The following WNK4 variants were observed in gnomAD, a reference collection of about 807,000 sequenced individuals.
The protein encoded by WNK4 is serine/threonine-protein kinase WNK4.
In WNK4, 94 loss-of-function variants were observed where a neutral mutation model predicts 116.2. The ratio of observed to expected loss-of-function variants is 0.81; its 90% CI spans 0.68 to 0.96. The LOEUF (loss-of-function observed/expected upper bound fraction) is 0.96. WNK4 is among the 40% of genes least tolerant of loss of function. The pLI is 0.00. For synonymous variants in WNK4, 655 were observed against 672.7 expected, an observed-to-expected ratio of 0.97 and a Z score of 0.41; for missense variants, 1,542 against 1,650.6, an observed-to-expected ratio of 0.93 and a Z score of 1.14.
chr17:42,793,945 C>T (rs929089885), intron 12 of WNK4: 11 of 551,294 alleles, frequency 2.0e-5, no homozygotes, highest in East Asian at 1.2e-4. Context: ...CTCCGCCTCC[C>T]GGGTTCACGC....
Position 42,795,805 on chromosome 17 carries a change from A to G in WNK4, c.3203A>G (p.Glu1068Gly), listed in dbSNP as rs778845513. Residue 1068 changes from glutamate (E) to glycine (G), a missense_variant, in exon 16 of 19, where the codon GAA becomes GGA. This residue lies in a region of WNK4 where 292 missense variants were observed against 290.1 expected (regional missense o/e 1.01). Transcript: ENST00000246914. ...DSAGGGPETREALAESDRAAE... is the reference protein window; with the variant it reads ...DSAGGGPETRGALAESDRAAE... ...GCTGGAGGCGGGCCAGAGACCAGGG[A>G]AGCTCTGGCTGAGAGCGACCGTGCA... The G allele has an allele frequency of 4.3e-6, 7 of 1,613,836 alleles. No individual in the cohort carries two copies. The South Asian group carries it at 7.7e-5, about 18-fold the overall frequency.
At chr17:42,788,594 C>A (rs2054577682) in intron 10 of WNK4, 87 bp from the exon 11 acceptor site, 3 of 1,243,362 alleles carry the variant, frequency 2.4e-6, no homozygotes, top group Non-Finnish European at 3.6e-6. Context: ...TCCATTGTGG[C>A]TGCTGTCACT....
intron 6 of WNK4, among the ~76,000 whole-genome samples, chr17:42,785,882 C>T (rs2054544511): frequency 1.3e-5 from 2 of 152,154 alleles, no homozygotes; most frequent in Admixed American, 1.3e-4. Context: ...TCCACTTCAG[C>T]ATGTTCTCGG....
chr17:42,796,074 G>A (rs1363318898), intron 16 of WNK4, 41 bp downstream of exon 16: 1 of 1,614,022 alleles, frequency 6.2e-7, no homozygotes, highest in South Asian at 1.1e-5. Flanking sequence ...GAGAACCTGG[G>A]AGAGCAAGGT....
Position 42,783,966 on chromosome 17 carries a change from C to T in WNK4, c.821C>T (p.Pro274Leu), listed in dbSNP as rs2054513168. The T allele has an allele frequency of 3.7e-6, 6 of 1,613,910 alleles. No individual in the cohort carries two copies. The highest frequency in any genetic ancestry group is 1.1e-5 in the South Asian group (1 of 91,086). The change falls in exon 3 of 19, where the codon CCG (proline) becomes CTG (leucine). Residue 274 changes from proline (P) to leucine (L), a missense_variant. Pro to Leu is a moderately conservative substitution (Grantham distance 98). This residue lies in a region of WNK4 where 808 missense variants were observed against 873.6 expected (regional missense o/e 0.92). Coordinates refer to ENST00000246914, the MANE Select transcript of WNK4 (RefSeq NM_032387.5). ...TYLRRFREMK[P>L]RVLQRWSRQI... ...CTGAGGCGGTTCCGGGAGATGAAGC[C>T]GCGGGTCCTTCAGCGCTGGAGCCGC...
chr17:42,788,171 CT>C lies in WNK4; in HGVS notation c.1909del (p.Ser637ProfsTer24). On this transcript the variant is annotated frameshift_variant, in exon 9 of 19. Transcript: ENST00000246914. LOFTEE classifies it high-confidence loss of function. ...TTCCACGTTCTGGCCCTGGAAGTGA[CT>C]TTTCCCCCGGGGACAGGTATGTTCT... ...SIPRSGPGSD[F>X]SPGDSYASDA... 1 of 1,614,180 alleles carries C rather than the reference CT, an allele frequency of 6.2e-7. No homozygotes were observed. The highest frequency in any genetic ancestry group is 1.3e-5 in the African/African-American group (1 of 75,046).
Position 42,785,420 on chromosome 17 carries a change from C to G in WNK4, c.1414C>G (p.Gln472Glu), listed in dbSNP as rs761294614. ...ARRGGRPRDNQAIEFLFQLGR... is the reference protein window; with the variant it reads ...ARRGGRPRDNEAIEFLFQLGR... ...GCGCGGGGGGCGCCCACGGGACAAC[C>G]AGGCCATCGAGTTCCTGTTCCAGCT... Residue 472 changes from glutamine to glutamate, a missense_variant, in exon 6 of 19, where the codon CAG (glutamine) becomes GAG (glutamate). Around this residue, in one of 7 missense-constraint regions of WNK4, gnomAD observed 808 missense variants for 873.6 expected, o/e 0.92. Coordinates refer to ENST00000246914, the MANE Select transcript of WNK4 (RefSeq NM_032387.5). The G allele has an allele frequency of 1.8e-4, 282 of 1,564,598 alleles. No individual in the cohort carries two copies. The highest frequency in any genetic ancestry group is 2.3e-4 in the Non-Finnish European group (266 of 1,154,292).
chr17:42,793,588 C>G lies in WNK4; in HGVS notation c.2158-4C>G. On this transcript the variant is annotated splice_region_variant and splice_polypyrimidine_tract_variant and intron_variant, in intron 11 of 18. Coordinates refer to ENST00000246914, the MANE Select transcript of WNK4 (RefSeq NM_032387.5). ...TCCCTCCCCATCCTGTTGACCCTCG[C>G]AAGGTATATAACGAGTTCATTCTGC... is the stretch of plus-strand genomic sequence containing the variant. 6.2e-7 allele frequency: 1 copy of G among 1,613,840 alleles called. No individual in the cohort carries two copies. The highest frequency in any genetic ancestry group is 8.5e-7 in the Non-Finnish European group (1 of 1,179,818).
chr17:42,785,237 G>A (rs1230040133), intron 5 of WNK4, 29 bp from the exon 6 acceptor site: 1 of 1,607,896 alleles, frequency 6.2e-7, no homozygotes, highest in African/African-American at 1.3e-5. Context: ...GGCCGCGGCG[G>A]GCTCGGCTCA....
chr17:42,781,645 C>T (rs542131553), intron 1 of WNK4, among the ~76,000 whole-genome samples: 2 of 152,224 alleles, frequency 1.3e-5, no homozygotes, highest in South Asian at 2.1e-4. Flanking sequence ...GGTGGGTACC[C>T]GCAATCCCTT....
In WNK4 at chr17:42,796,338, C is replaced by G. The variant is rs1381740062; in HGVS notation, c.3631+16C>G. ...CCAGGCCCTGGTGAGACTGCAGTCACCCAGCTTCCATCTTTTCCCTGAGAC... is the reference window on the plus strand; with the variant it reads ...CCAGGCCCTGGTGAGACTGCAGTCAGCCAGCTTCCATCTTTTCCCTGAGAC... On this transcript the variant is annotated intron_variant, in intron 17 of 18. Coordinates refer to ENST00000246914, the MANE Select transcript of WNK4 (RefSeq NM_032387.5). 3.7e-6 allele frequency: 6 copies of G among 1,610,382 alleles called. No homozygotes were observed. In the Admixed American group the frequency reaches 1.0e-4, roughly 27 times the overall value.
At position 42,796,481 on chromosome 17, in the gene WNK4, G is replaced by A; in HGVS notation, c.3632G>A (p.Gly1211Asp). Residue 1211 changes from glycine (G) to aspartate (D), a missense_variant and splice_region_variant, in exon 18 of 19, where the codon GGC becomes GAC. Gly to Asp is a moderately conservative substitution (Grantham distance 94). Coordinates refer to ENST00000246914, the MANE Select transcript of WNK4 (RefSeq NM_032387.5). The part of the protein sequence containing the change: ...SLQRSEPPGP[G>D]IMRRNSLSGS... Reference sequence around the variant, plus strand: ...TCTCCTTCCCCCATCCTGCTCCCAGGCATCATGCGAAGGAACTCTCTGAGT... The same window carrying A: ...TCTCCTTCCCCCATCCTGCTCCCAGACATCATGCGAAGGAACTCTCTGAGT... 6 of 1,613,980 alleles carry A rather than the reference G, an allele frequency of 3.7e-6. No individual in the cohort carries two copies. Among genetic ancestry groups the A allele is most frequent in the Non-Finnish European group, 5.1e-6 (6 of 1,179,892 alleles).
At chr17:42,793,086 C>T (rs758237733) in intron 11 of WNK4, among the ~76,000 whole-genome samples, 9 of 152,284 alleles carry the variant, frequency 5.9e-5, no homozygotes, top group Admixed American at 2.6e-4. Context: ...GGTATATATA[C>T]GCATCCTATG....
At chr17:42,785,551 A>G in intron 6 of WNK4, 69 bp downstream of exon 6, 2 of 1,409,378 alleles carry the variant, frequency 1.4e-6, no homozygotes, top group Admixed American at 2.1e-5. Context: ...ACAGTGCAAC[A>G]GGGATGGGGC....
rs745579755 is a variant in WNK4, at chr17:42,796,189, G to A, written c.3498G>A (p.Arg1166=). Residue 1166 remains arginine (R), a synonymous_variant, in exon 17 of 19, where the codon CGG becomes CGA. Coordinates refer to ENST00000246914, the MANE Select transcript of WNK4 (RefSeq NM_032387.5). ...QKKEIEDLYS[R]LGKQPPPGIV... ...AAGAAATTGAAGATTTGTACAGCCG[G>A]CTGGGGAAGCAGCCCCCACCGGGTA... 1 of 1,614,000 alleles carries A rather than the reference G, an allele frequency of 6.2e-7. No homozygotes were observed. The highest frequency in any genetic ancestry group is 2.2e-5 in the East Asian group (1 of 44,864).
intron 18 of WNK4, 41 bp downstream of exon 18, chr17:42,796,619 A>G (rs1362688018): frequency 6.2e-7 from 1 of 1,614,076 alleles, no homozygotes; most frequent in Non-Finnish European, 8.5e-7. Flanking sequence ...AGGGAATGGT[A>G]CCTGGCTGCA....
At chr17:42,786,224 G>A (rs1169367709) in intron 6 of WNK4, among the ~76,000 whole-genome samples, 1 of 152,146 alleles carries the variant, frequency 6.6e-6, no homozygotes, top group Non-Finnish European at 1.5e-5. Flanking sequence ...AAACTGAGGT[G>A]GTTCAGATTT....
chr17:42,791,198 A>T (rs2054603201), intron 11 of WNK4, among the ~76,000 whole-genome samples: 1 of 152,188 alleles, frequency 6.6e-6, no homozygotes. Flanking sequence ...ACTCCTCTGC[A>T]GCAGAATTCT....
rs1285161577 is a variant in WNK4 at position 42,795,207 on chromosome 17, C to A, written c.2786C>A (p.Ala929Asp). The part of the protein sequence containing the change: ...TAAPLLSLAS[A>D]FSLAVMTVAQ... ...GCCCCTCTCCTTTCTCTGGCTAGTGCCTTCTCACTGGCTGTGATGACTGTG... is the reference window on the plus strand; with the variant it reads ...GCCCCTCTCCTTTCTCTGGCTAGTGACTTCTCACTGGCTGTGATGACTGTG... Residue 929 changes from alanine to aspartate, a missense_variant, in exon 14 of 19, where the codon GCC becomes GAC. By Grantham distance (126) the Ala-to-Asp change is moderately radical. This residue lies in a region of WNK4 where 292 missense variants were observed against 290.1 expected (regional missense o/e 1.01). Transcript: ENST00000246914. The A allele has an allele frequency of 5.0e-6, 8 of 1,613,926 alleles. No individual in the cohort carries two copies. The highest frequency in any genetic ancestry group is 6.8e-6 in the Non-Finnish European group (8 of 1,180,000).
Sources: allele counts gnomAD v4.1 joint callset (sites outside exome capture counted in the v4.1 genomes callset), GRCh38; gene constraint gnomAD v4.1.1; regional missense constraint gnomAD v4.1.1; transcripts MANE v1.5; gene names NCBI Gene and HGNC (gene_info 2026-07-23, HGNC 2026-07-21).